Variants in ANKDD1A observed in about 807,000 individuals in gnomAD.
The protein encoded by ANKDD1A is ankyrin repeat and death domain-containing protein 1A.
ANKDD1A carries 59 observed loss-of-function variants against 63.5 expected under a neutral mutation model. The observed-to-expected ratio is 0.93, with a 90% CI of 0.75 to 1.15. The LOEUF is 1.15. Among genes scored for constraint, ANKDD1A ranks in the 50% most tolerant of loss-of-function variants. The pLI, the probability that ANKDD1A is intolerant of heterozygous loss-of-function variation, is 0.00. For synonymous variants in ANKDD1A, 266 were observed against 263.9 expected, an observed-to-expected ratio of 1.01 and a Z score of -0.08; for missense variants, 632 against 656.4, an observed-to-expected ratio of 0.96 and a Z score of 0.41.
At chr15:64,913,420 T>C (rs1280029505) in intron 1 of ANKDD1A, among the ~76,000 whole-genome samples, 3 of 152,152 alleles carry the variant, frequency 2.0e-5, no homozygotes, top group African/African-American at 2.4e-5. Context: ...ATGGTGGTGG[T>C]GGTGGCGGTG....
chr15:64,921,305 C>A (rs1048836912), intron 3 of ANKDD1A, among the ~76,000 whole-genome samples: 1 of 152,150 alleles, frequency 6.6e-6, no homozygotes, highest in African/African-American at 2.4e-5. Flanking sequence ...AAGATTGGTT[C>A]CTTACAAATT....
chr15:64,957,148 C>A lies in ANKDD1A; in HGVS notation c.1529C>A (p.Ser510Tyr), dbSNP rs1426317099. 6.9e-6 allele frequency: 3 copies of A among 436,510 alleles called. No individual in the cohort carries two copies. Among genetic ancestry groups the A allele is most frequent in the African/African-American group, 4.1e-5 (2 of 48,312 alleles). 27.0% of individuals were successfully genotyped at this position (436,510 alleles called of 1,614,324 possible). A position where few individuals can be genotyped will look rare whatever the true frequency, so the allele number is the denominator to read the frequency against. ...ARSQLTATSA[S>Y]RVQMILVPQP... ...TCTCAGCTCACGGCAACCTCCGCCT[C>A]CCGGGTTCAAATGATTCTTGTGCCT... is the stretch of plus-strand genomic sequence containing the variant. The change falls in exon 15 of 15, where the codon TCC becomes TAC. Residue 510 changes from serine (S) to tyrosine (Y), a missense_variant. Coordinates refer to ENST00000319580, the MANE Select transcript of ANKDD1A (RefSeq NM_182703.6).
At chr15:64,928,026 A>G (rs980703582) in intron 6 of ANKDD1A, among the ~76,000 whole-genome samples, 1 of 152,214 alleles carries the variant, frequency 6.6e-6, no homozygotes, top group Admixed American at 6.5e-5. Context: ...TAGAGAGCTC[A>G]CACACAAATG....
Position 64,934,097 on chromosome 15 carries a change from G to A in ANKDD1A, c.769-39G>A. On this transcript the variant is annotated intron_variant, in intron 8 of 14. Transcript: ENST00000319580. ...GAGCTTTGCAAACCTCAGTAGGAGG[G>A]GTCCTTGTGATAACGCATTGATGCC... The A allele has an allele frequency of 2.6e-6, 4 of 1,546,800 alleles. No homozygotes were observed. In the South Asian group the frequency reaches 3.5e-5, roughly 13 times the overall value.
intron 14 of ANKDD1A, among the ~76,000 whole-genome samples, chr15:64,951,961 GCT>G (rs1441909183): frequency 8.0e-6 from 1 of 124,854 alleles, no homozygotes; most frequent in African/African-American, 3.1e-5. Flanking sequence ...CTTTCCTTCT[GCT>G]CTTCTTTCTT....
intron 9 of ANKDD1A, among the ~76,000 whole-genome samples, chr15:64,936,699 G>T (rs1198478272): frequency 6.6e-6 from 1 of 152,080 alleles, no homozygotes; most frequent in Admixed American, 6.6e-5. Context: ...AATCAGCCGG[G>T]TATGGTGGTG....
chr15:64,953,482 CT>C (rs2085341718), intron 14 of ANKDD1A, among the ~76,000 whole-genome samples: 1 of 85,862 alleles, frequency 1.2e-5, no homozygotes, highest in African/African-American at 3.4e-5. Flanking sequence ...CCTCTTCCTT[CT>C]CCTTCTTCTT....
chr15:64,932,461 C>T (rs1273794010), intron 8 of ANKDD1A: 1 of 152,150 alleles, frequency 6.6e-6, no homozygotes. Context: ...TTCTCTCTCT[C>T]CCCGTTGTAC....
At chr15:64,951,330 CTTTT>C in intron 14 of ANKDD1A, 1 of 734,218 alleles carries the variant, frequency 1.4e-6, no homozygotes, top group African/African-American at 2.2e-5. Flanking sequence ...CTTCTTTCCT[CTTTT>C]TCTTTCTTCT....
intron 4 of ANKDD1A, among the ~76,000 whole-genome samples, chr15:64,925,158 G>C (rs2085036270): frequency 6.6e-6 from 1 of 150,432 alleles, no homozygotes; most frequent in African/African-American, 2.4e-5. Flanking sequence ...AACCCAGGAG[G>C]TGGAAGTTGC....
intron 4 of ANKDD1A, among the ~76,000 whole-genome samples, chr15:64,924,832 A>G (rs1381349428): frequency 2.0e-5 from 3 of 152,120 alleles, no homozygotes; most frequent in Non-Finnish European, 4.4e-5. Flanking sequence ...TGTTTTCCTC[A>G]TGAAAATCAT....
At position 64,926,121 on chromosome 15, in the gene ANKDD1A, C is replaced by G. The variant is rs74528237; in HGVS notation, c.422C>G (p.Ala141Gly). The stretch of plus-strand genomic sequence containing the variant: ...CAAAAAGGCCATGTGCCTGTGCTGG[C>G]GTTCATAATGGAGGACCTGGAGGAT... Reference protein sequence around the residue: ...AAQKGHVPVLAFIMEDLEDVA... With the variant: ...AAQKGHVPVLGFIMEDLEDVA... Residue 141 changes from alanine to glycine, a missense_variant, in exon 5 of 15, where the codon GCG (alanine) becomes GGG (glycine). Physicochemically the swap from Ala to Gly is moderately conservative, Grantham distance 60 (BLOSUM62 0). Transcript: ENST00000319580. 2 of 1,613,974 alleles carry G rather than the reference C, an allele frequency of 1.2e-6. No homozygotes were observed. Among genetic ancestry groups the G allele is most frequent in the Non-Finnish European group, 8.5e-7 (1 of 1,179,964 alleles).
intron 14 of ANKDD1A, among the ~76,000 whole-genome samples, chr15:64,954,216 TTC>T (rs1491306702): frequency 6.0e-4 from 13 of 21,644 alleles, no homozygotes; most frequent in East Asian, 1.1e-3. Context: ...TCTTTTCTTC[TTC>T]TTCTTCTTCC....
intron 11 of ANKDD1A, chr15:64,943,869 C>A: frequency 2.3e-6 from 1 of 433,076 alleles, no homozygotes; most frequent in Non-Finnish European, 4.3e-6. Flanking sequence ...CCTCCTGAGT[C>A]ACCTGGTAGG....
At chr15:64,941,245 G>C (rs28571139) in intron 9 of ANKDD1A, among the ~76,000 whole-genome samples, 7,125 of 152,128 alleles carry the variant, frequency 0.047, 579 homozygotes, top group African/African-American at 0.16. Context: ...TAGTATTTTT[G>C]TCTTCTGTAT....
At chr15:64,932,804 G>A (rs1432935806) in intron 8 of ANKDD1A, 3 of 152,258 alleles carry the variant, frequency 2.0e-5, no homozygotes, top group Middle Eastern at 3.4e-3. Context: ...AGAAAAGTAG[G>A]CTGGGCAAGG....
chr15:64,956,971 G>A, intron 14 of ANKDD1A, 132 bp from the exon 15 acceptor site: 3 of 368,250 alleles, frequency 8.1e-6, no homozygotes, highest in Middle Eastern at 9.1e-4. Context: ...TATTTAATCA[G>A]CATTCTTTTG....
In ANKDD1A at chr15:64,954,299, T is replaced by C. The variant is rs1376863895; in HGVS notation, c.1484-2804T>C. Among the ~76,000 whole-genome samples, 56 of 24,770 alleles carry C rather than the reference T, an allele frequency of 2.3e-3. 1 individual carries two copies. Among genetic ancestry groups the C allele is most frequent in the Non-Finnish European group, 0.012 (36 of 2,974 alleles). 16.3% of individuals were successfully genotyped at this position (24,770 alleles called of 152,430 possible). On this transcript the variant is annotated intron_variant, in intron 14 of 14. Transcript: ENST00000319580. The stretch of plus-strand genomic sequence containing the variant: ...TCTTCTTCCTTCTTAGTTCTCCTTT[T>C]CTTCTCCTTCTCTTCCTTCTTAGTT...
chr15:64,914,803 CAG>C, intron 1 of ANKDD1A, among the ~76,000 whole-genome samples: 1 of 139,310 alleles, frequency 7.2e-6, no homozygotes, highest in East Asian at 4.4e-4. Flanking sequence ...CCTCCTGGCT[CAG>C]AGACTAATGC....
Sources: allele counts gnomAD v4.1 joint callset (sites outside exome capture counted in the v4.1 genomes callset), GRCh38; gene constraint gnomAD v4.1.1; transcripts MANE v1.5; gene names NCBI Gene and HGNC (gene_info 2026-07-23, HGNC 2026-07-21).